The following LRCH1 variants were observed in gnomAD, a reference collection of about 807,000 sequenced individuals.
The protein encoded by LRCH1 is leucine-rich repeat and calponin homology domain-containing protein 1.
Under a neutral mutation model 94.9 loss-of-function variants are expected in LRCH1, and 23 were observed. That is an observed-to-expected ratio of 0.24 (90% CI 0.17 to 0.34). The LOEUF is 0.34. Among genes scored for constraint, LRCH1 ranks in the 10% least tolerant of loss-of-function variants. The pLI is 1.00. For synonymous variants in LRCH1, 364 were observed against 354.9 expected (o/e 1.03, Z -0.29); for missense variants, 790 against 945.9 (o/e 0.84, Z 2.16).
At chr13:46,611,496 A>C (rs1281403782) in intron 1 of LRCH1, among the ~76,000 whole-genome samples, 1 of 152,208 alleles carries the variant, frequency 6.6e-6, no homozygotes, top group East Asian at 1.9e-4. Flanking sequence ...AGAATAATGG[A>C]ATTGTAAATT....
chr13:46,553,650 A>G lies in LRCH1; in HGVS notation c.254A>G (p.Glu85Gly), dbSNP rs1321072575. ...AACCTGAGCGCCAGGAAATTGAAGG[A>G]ATTTCCCCGTACCGCAGCCCCCGGG... ...GLNLSARKLK[E>G]FPRTAAPGHD... is the part of the protein sequence containing the mutation. The change falls in exon 1 of 20, where the codon GAA (glutamate) becomes GGA (glycine). Residue 85 changes from glutamate to glycine, a missense_variant. Glu to Gly is a moderately conservative substitution (Grantham distance 98). Transcript: ENST00000389797. The G allele has an allele frequency of 6.2e-7, 1 of 1,607,786 alleles. No individual in the cohort carries two copies. Among genetic ancestry groups the G allele is most frequent in the South Asian group, 1.1e-5 (1 of 90,068 alleles).
chr13:46,747,277 T>C (rs1873947473), downstream of LRCH1, among the ~76,000 whole-genome samples: 1 of 151,724 alleles, frequency 6.6e-6, no homozygotes, highest in Non-Finnish European at 1.5e-5. Context: ...TTCACCTAAC[T>C]CAGTCTGTGA....
intron 2 of LRCH1, among the ~76,000 whole-genome samples, chr13:46,667,505 A>T (rs2051532890): frequency 1.7e-5 from 2 of 114,714 alleles, no homozygotes; most frequent in South Asian, 7.1e-4. Context: ...GAAGGGGAAC[A>T]TCACACACCG....
intron 18 of LRCH1, among the ~76,000 whole-genome samples, chr13:46,731,065 C>G (rs1299228434): frequency 1.3e-5 from 2 of 149,532 alleles, no homozygotes; most frequent in Non-Finnish European, 3.0e-5. Context: ...ATTCTTTATT[C>G]TCCTCCTACC....
At chr13:46,630,942 G>A (rs2051010448) in intron 1 of LRCH1, among the ~76,000 whole-genome samples, 1 of 152,166 alleles carries the variant, frequency 6.6e-6, no homozygotes, top group African/African-American at 2.4e-5. Flanking sequence ...TTCTGGTTCT[G>A]CCTTCAGGGA....
chr13:46,750,233 C>T (rs1449938635), intron 18 of LRCH1, among the ~76,000 whole-genome samples: 1 of 152,162 alleles, frequency 6.6e-6, no homozygotes, highest in Non-Finnish European at 1.5e-5. Flanking sequence ...TTGGTGTATG[C>T]TCTCTGACTG....
chr13:46,670,012 C>A (rs547695368), intron 3 of LRCH1, among the ~76,000 whole-genome samples: 1 of 152,338 alleles, frequency 6.6e-6, no homozygotes, highest in Middle Eastern at 3.4e-3. Context: ...GCCAACTCCT[C>A]TGGGGCCACC....
chr13:46,628,533 A>C (rs1185338212), intron 1 of LRCH1, among the ~76,000 whole-genome samples: 1 of 151,924 alleles, frequency 6.6e-6, no homozygotes, highest in African/African-American at 2.4e-5. Context: ...GGCACGCACC[A>C]GTAGTCCCAG....
chr13:46,715,516 C>A, intron 15 of LRCH1, 44 bp from the exon 16 acceptor site: 1 of 1,160,184 alleles, frequency 8.6e-7, no homozygotes, highest in Non-Finnish European at 1.2e-6. Flanking sequence ...TTTTCCTGGT[C>A]CTTGTGCAAC....
intron 16 of LRCH1, among the ~76,000 whole-genome samples, chr13:46,718,206 A>T: frequency 6.6e-6 from 1 of 152,176 alleles, no homozygotes; most frequent in South Asian, 2.1e-4. Flanking sequence ...ATTTATACTT[A>T]TTGAAAATTA....
At chr13:46,636,364 G>A (rs1036185022) in intron 1 of LRCH1, among the ~76,000 whole-genome samples, 2 of 152,186 alleles carry the variant, frequency 1.3e-5, no homozygotes, top group South Asian at 2.1e-4. Context: ...GAGCCACTGC[G>A]CCTGGCCCAT....
intron 1 of LRCH1, among the ~76,000 whole-genome samples, chr13:46,624,810 C>T (rs2050925138): frequency 6.6e-6 from 1 of 152,180 alleles, no homozygotes; most frequent in South Asian, 2.1e-4. Flanking sequence ...TCCAACAACT[C>T]CAACGATGTT....
At chr13:46,722,001 G>A (rs765897109) in intron 16 of LRCH1, among the ~76,000 whole-genome samples, 3 of 152,168 alleles carry the variant, frequency 2.0e-5, no homozygotes, top group African/African-American at 2.4e-5. Flanking sequence ...TGATTACACC[G>A]AGCGGACTCA....
rs755943116 is a variant in LRCH1 at position 46,742,994 on chromosome 13, G to GA, written c.*1154dup. 3.4e-5 allele frequency: 33 copies of GA among 984,934 alleles called. No homozygotes were observed. In the East Asian group the frequency reaches 1.7e-3, roughly 51 times the overall value. 61.0% of individuals were successfully genotyped at this position (984,934 alleles called of 1,614,324 possible). ...AATGTGATCAGTTTGCATTTAAAAG[G>GA]AAAAAAAAGAATTTTATCTTAGCCA... On this transcript the variant is annotated 3_prime_UTR_variant, in exon 20 of 20. Transcript: ENST00000389797.
intron 1 of LRCH1, among the ~76,000 whole-genome samples, chr13:46,592,189 A>C (rs2050507531): frequency 6.6e-6 from 1 of 152,164 alleles, no homozygotes; most frequent in Non-Finnish European, 1.5e-5. Flanking sequence ...ATGAGGAATC[A>C]TGGTCTCCTG....
chr13:46,650,737 A>C (rs1373932089), intron 2 of LRCH1, among the ~76,000 whole-genome samples: 1 of 147,442 alleles, frequency 6.8e-6, no homozygotes, highest in East Asian at 2.0e-4. Flanking sequence ...AAAAAAAAAA[A>C]AAAAAGAGAA....
At chr13:46,665,641 C>G (rs1278068537) in intron 2 of LRCH1, among the ~76,000 whole-genome samples, 2 of 152,202 alleles carry the variant, frequency 1.3e-5, no homozygotes, top group Non-Finnish European at 2.9e-5. Flanking sequence ...AACCCAGACT[C>G]TGCAGGGACA....
chr13:46,619,062 T>TCC (rs1363307581), intron 1 of LRCH1, among the ~76,000 whole-genome samples: 4,102 of 142,684 alleles, frequency 0.029, 140 homozygotes, highest in East Asian at 0.16. Flanking sequence ...TTTCTTTTCT[T>TCC]TTTTCCTTCC....
At chr13:46,619,064 TTTCC>T (rs764734614) in intron 1 of LRCH1, among the ~76,000 whole-genome samples, 3,226 of 114,700 alleles carry the variant, frequency 0.028, 65 homozygotes, top group Middle Eastern at 0.045. Context: ...TCTTTTCTTT[TTTCC>T]TTCCTTCCTT....
Sources: gnomAD v4.1 joint callset for allele counts (sites outside exome capture counted in the v4.1 genomes callset) on GRCh38, gnomAD v4.1.1 for gene constraint, MANE v1.5 for transcripts, NCBI Gene and HGNC (gene_info 2026-07-23, HGNC 2026-07-21) for gene names.